TMEM68: variants seen among roughly 807,000 people sequenced by gnomAD.
TMEM68 encodes the protein transmembrane protein 68, also known as DGAT1/2-independent enzyme synthesizing storage lipids.
In TMEM68, 25 loss-of-function variants were observed where a neutral mutation model predicts 36.9. That is an observed-to-expected ratio of 0.68 (90% CI 0.49 to 0.95). TMEM68 has a LOEUF of 0.95. Ranked by LOEUF, TMEM68 falls within the 40% of genes least tolerant of loss-of-function variation. TMEM68 has a pLI of 0.00. For synonymous variants in TMEM68, 131 were observed against 124.4 expected (o/e 1.05, Z -0.35); for missense variants, 333 against 392.0 (o/e 0.85, Z 1.27).
intron 5 of TMEM68, among the ~76,000 whole-genome samples, chr8:55,748,988 AAGCCTC>A (rs1375123061): frequency 6.6e-6 from 1 of 152,226 alleles, no homozygotes; most frequent in Non-Finnish European, 1.5e-5. Context: ...TACCATGTTT[AAGCCTC>A]ACTTTCTTCA....
chr8:55,755,742 G>A (rs1486191067), intron 4 of TMEM68, among the ~76,000 whole-genome samples: 2 of 150,904 alleles, frequency 1.3e-5, no homozygotes, highest in Non-Finnish European at 2.9e-5. Flanking sequence ...ATATAAATTG[G>A]CAAAAATCAC....
In TMEM68 at chr8:55,745,123, TAAAGA is replaced by T. The variant is rs1237229446; in HGVS notation, c.688-7_688-3del. 26 of 1,478,128 alleles carry T rather than the reference TAAAGA, an allele frequency of 1.8e-5. No individual in the cohort carries two copies. The highest frequency in any genetic ancestry group is 2.6e-5 in the South Asian group (2 of 76,318). 91.6% of individuals were successfully genotyped at this position (1,478,128 alleles called of 1,614,324 possible). On this transcript the variant is annotated splice_polypyrimidine_tract_variant and splice_region_variant and intron_variant, in intron 5 of 7. Coordinates refer to ENST00000434581, the MANE Select transcript of TMEM68 (RefSeq NM_001286657.2). ...TTGTGTAAACATAGGAATAATGGGC[TAAAGA>T]AAAGGAGAATTTGAATTAAAAAGTA...
intron 5 of TMEM68, chr8:55,747,924 G>A (rs1425397360): frequency 6.6e-6 from 1 of 152,090 alleles, no homozygotes; most frequent in African/African-American, 2.4e-5. Context: ...TGACTGGCAT[G>A]ATCCCAGAAT....
chr8:55,741,085 T>C lies in TMEM68; in HGVS notation c.889-867A>G, dbSNP rs191129682. On this transcript the variant is annotated intron_variant, in intron 7 of 7. Transcript: ENST00000434581. ...CCCGTCTCTACTAAAAATACAAAAT[T>C]AGCAGGTGTGGTGGCACATGCCTGT... Among the ~76,000 whole-genome samples the C allele has an allele frequency of 1.4e-3, 212 of 151,846 alleles. 1 individual carries two copies. Among genetic ancestry groups the C allele is most frequent in the African/African-American group, 4.7e-3 (193 of 41,426 alleles).
At chr8:55,762,463 T>TA in intron 3 of TMEM68, 172 bp downstream of exon 3, 1 of 1,312,630 alleles carries the variant, frequency 7.6e-7, no homozygotes, top group South Asian at 1.6e-5. Flanking sequence ...AAAACTCATT[T>TA]TAAGAAAGAC....
intron 6 of TMEM68, among the ~76,000 whole-genome samples, chr8:55,744,413 C>G (rs1810200609): frequency 1.3e-5 from 1 of 78,958 alleles, no homozygotes; most frequent in South Asian, 3.8e-4. Flanking sequence ...TCACGCCATT[C>G]TCCTGCCTCA....
At chr8:55,740,558 A>G (rs1810068241) in intron 7 of TMEM68, among the ~76,000 whole-genome samples, 1 of 152,146 alleles carries the variant, frequency 6.6e-6, no homozygotes, top group Non-Finnish European at 1.5e-5. Flanking sequence ...GCTCCTTAAG[A>G]TACATCTTAG....
At chr8:55,743,211 T>G (rs1810158200) in intron 7 of TMEM68, among the ~76,000 whole-genome samples, 1 of 152,140 alleles carries the variant, frequency 6.6e-6, no homozygotes. Context: ...CATAGGAATA[T>G]ATTCCTATCC....
At chr8:55,771,452 AC>A (rs1332204100) in intron 1 of TMEM68, among the ~76,000 whole-genome samples, 7 of 151,554 alleles carry the variant, frequency 4.6e-5, no homozygotes. Context: ...ACACACACAC[AC>A]ACACACACAC....
At chr8:55,772,164 G>C (rs1396823485) in intron 1 of TMEM68, among the ~76,000 whole-genome samples, 1 of 152,056 alleles carries the variant, frequency 6.6e-6, no homozygotes, top group Non-Finnish European at 1.5e-5. Flanking sequence ...CTCAAAGTAG[G>C]GCAGCAGTAA....
At chr8:55,771,815 G>C (rs1375806953) in intron 1 of TMEM68, among the ~76,000 whole-genome samples, 1 of 152,166 alleles carries the variant, frequency 6.6e-6, no homozygotes, top group Non-Finnish European at 1.5e-5. Context: ...ATACAGCACT[G>C]TTTTACTGAA....
Position 55,745,097 on chromosome 8 carries a change from T to C in TMEM68, c.712A>G (p.Asn238Asp). ...KVPIIPMFTQ[N>D]IREGFRSLGG... ...AGTGATCTAAATCCTTCTCGAATAT[T>C]TTGTGTAAACATAGGAATAATGGGC... Residue 238 changes from asparagine (N) to aspartate (D), a missense_variant, in exon 6 of 8, where the codon AAT (asparagine) becomes GAT (aspartate). Physicochemically the swap from Asn to Asp is conservative, Grantham distance 23. Transcript: ENST00000434581. 6.7e-7 allele frequency: 1 copy of C among 1,498,256 alleles called. No individual in the cohort carries two copies. Among genetic ancestry groups the C allele is most frequent in the Non-Finnish European group, 8.9e-7 (1 of 1,128,474 alleles). The allele number at this position is 1,498,256 out of a possible 1,614,324, so 92.8% of individuals were successfully genotyped here.
At chr8:55,751,483 G>C (rs1392246702) in intron 4 of TMEM68, 4 of 432,680 alleles carry the variant, frequency 9.2e-6, no homozygotes, top group African/African-American at 2.1e-5. Flanking sequence ...TCCAGAGATA[G>C]GATTCTAATG....
intron 4 of TMEM68, among the ~76,000 whole-genome samples, chr8:55,755,692 A>C (rs1331259423): frequency 1.3e-5 from 2 of 152,118 alleles, no homozygotes; most frequent in Admixed American, 6.6e-5. Context: ...TTTCATGAAA[A>C]AATTCATTAT....
intron 4 of TMEM68, among the ~76,000 whole-genome samples, chr8:55,752,895 TTTTA>T (rs1810463360): frequency 6.6e-6 from 1 of 151,902 alleles, no homozygotes; most frequent in South Asian, 2.1e-4. Context: ...TGGCTGATTT[TTTTA>T]TTTTTATTTT....
chr8:55,763,512 C>G (rs527314333), intron 2 of TMEM68: 12 of 152,490 alleles, frequency 7.9e-5, no homozygotes, highest in African/African-American at 2.9e-4. Context: ...CTCAGCATCC[C>G]GAGCAGCTGG....
chr8:55,763,720 C>CTTTTTATCTTA (rs1563438071), intron 2 of TMEM68: 1 of 12,392 alleles, frequency 8.1e-5, no homozygotes. Flanking sequence ...AAGAAAACAT[C>CTTTTTATCTTA]AATATCTACC....
intron 7 of TMEM68, 54 bp downstream of exon 7, chr8:55,743,427 T>C: frequency 6.7e-7 from 1 of 1,489,678 alleles, no homozygotes; most frequent in Non-Finnish European, 8.9e-7. Flanking sequence ...ATTCAAAATA[T>C]AATAATTGAA....
At chr8:55,764,178 A>C (rs986185811) in intron 1 of TMEM68, among the ~76,000 whole-genome samples, 198 bp from the exon 2 acceptor site, 31 of 152,158 alleles carry the variant, frequency 2.0e-4, no homozygotes, top group African/African-American at 7.2e-4. Flanking sequence ...GGTGAAGACA[A>C]CTCTACACTG....
Sources: gnomAD v4.1 joint callset for allele counts (sites outside exome capture counted in the v4.1 genomes callset) on GRCh38, gnomAD v4.1.1 for gene constraint, MANE v1.5 for transcripts, NCBI Gene and HGNC (gene_info 2026-07-23, HGNC 2026-07-21) for gene names.